The following BRCA1 variants were observed in gnomAD, a reference collection of about 807,000 sequenced individuals.
BRCA1 encodes BRCA1 DNA repair associated.
In BRCA1, 140 loss-of-function variants were observed where a neutral mutation model predicts 173.7. The observed-to-expected ratio is 0.81, with a 90% CI of 0.70 to 0.93. The LOEUF (loss-of-function observed/expected upper bound fraction) is 0.93. BRCA1 is among the 40% of genes least tolerant of loss of function. The pLI, the probability that BRCA1 is intolerant of heterozygous loss-of-function variation, is 0.00. For missense variants in BRCA1, 1,983 were observed against 2,172.5 expected (o/e 0.91, Z 1.73); for synonymous variants, 662 against 756.0 (o/e 0.88, Z 2.04).
intron 1 of BRCA1, among the ~76,000 whole-genome samples, chr17:43,145,584 C>G (rs1212952400): frequency 6.6e-6 from 1 of 152,174 alleles, no homozygotes; most frequent in African/African-American, 2.4e-5. Flanking sequence ...CCTCGGCCTC[C>G]CAAAGTGCTG....
chr17:43,118,305 G>A (rs937105830), intron 2 of BRCA1, among the ~76,000 whole-genome samples: 2 of 152,150 alleles, frequency 1.3e-5, no homozygotes, highest in Admixed American at 6.5e-5. Flanking sequence ...AAGACTATCA[G>A]AGAGGTAGCT....
chr17:43,142,887 G>T (rs2056084946), intron 1 of BRCA1, among the ~76,000 whole-genome samples: 1 of 151,252 alleles, frequency 6.6e-6, no homozygotes, highest in African/African-American at 2.4e-5. Context: ...GGGATTACAG[G>T]CATGTGCCAC....
upstream of BRCA1, chr17:43,125,488 A>G (rs2055841769): frequency 2.9e-6 from 1 of 342,614 alleles, no homozygotes; most frequent in East Asian, 7.8e-5. Context: ...AGGTACAATC[A>G]GAGGATGGGA....
Position 43,100,618 on chromosome 17 carries a change from A to ATAT in BRCA1, c.442-739_442-738insATA, listed in dbSNP as rs1491529521. ...TATTATATATATATAACATATATAT[A>ATAT]ACATATATATATGTTATATATATAT... On this transcript the variant is annotated intron_variant, in intron 6 of 22. Transcript: ENST00000357654. Among the ~76,000 whole-genome samples the ATAT allele has an allele frequency of 1.1e-4, 7 of 64,756 alleles. 1 individual carries two copies. Among genetic ancestry groups the ATAT allele is most frequent in the African/African-American group, 1.6e-4 (2 of 12,350 alleles). 42.5% of individuals were successfully genotyped at this position (64,756 alleles called of 152,430 possible).
At chr17:43,136,097 A>C (rs1044593651) in intron 1 of BRCA1, among the ~76,000 whole-genome samples, 5 of 152,238 alleles carry the variant, frequency 3.3e-5, no homozygotes, top group African/African-American at 1.2e-4. Flanking sequence ...GTTCAAAACC[A>C]GCCTGGGCAA....
intron 1 of BRCA1, chr17:43,145,100 A>G (rs772628636): frequency 1.4e-6 from 1 of 739,054 alleles, no homozygotes; most frequent in Non-Finnish European, 2.5e-6. Flanking sequence ...TTCAGACACA[A>G]AAGTGCAAAA....
At chr17:43,149,109 T>C (rs28595806) in intron 1 of BRCA1, among the ~76,000 whole-genome samples, 39 of 151,098 alleles carry the variant, frequency 2.6e-4, no homozygotes, top group African/African-American at 8.8e-4. Flanking sequence ...TTACTTTTTT[T>C]CCCCCCCGAG....
rs774646943 is a variant in BRCA1, at chr17:43,090,928, C to G, written c.4185+16G>C. 1 of 1,599,556 alleles carries G rather than the reference C, an allele frequency of 6.3e-7. No individual in the cohort carries two copies. The highest frequency in any genetic ancestry group is 1.7e-5 in the Admixed American group (1 of 58,724). On this transcript the variant is annotated intron_variant, in intron 11 of 22. Transcript: ENST00000357654. ...CACCACACACACGCATGTGCACACA[C>G]ACACACGCTTTTTACCTGAGTGGTT...
intron 19 of BRCA1, among the ~76,000 whole-genome samples, chr17:43,056,579 G>A (rs572017299): frequency 3.6e-4 from 55 of 152,224 alleles, no homozygotes; most frequent in Middle Eastern, 6.8e-3. Context: ...CACAAGGTCA[G>A]GGGTTCAAGA....
intron 3 of BRCA1, among the ~76,000 whole-genome samples, chr17:43,111,853 C>T (rs1166603114): frequency 1.3e-5 from 2 of 151,772 alleles, no homozygotes; most frequent in Non-Finnish European, 2.9e-5. Context: ...AACAAACAAA[C>T]AAACAAAAAT....
chr17:43,050,919 G>A (rs2051184028), intron 20 of BRCA1, 144 bp downstream of exon 20: 2 of 815,714 alleles, frequency 2.5e-6, no homozygotes, highest in African/African-American at 3.4e-5. Flanking sequence ...GTGCTGTTTT[G>A]TTTGGAGAGT....
chr17:43,049,174 G>A lies in BRCA1; in HGVS notation c.5353C>T (p.Gln1785Ter), dbSNP rs80356969. ...MPTDQLEWMV[Q>*]LCGASVVKEL... Reference sequence around the variant, plus strand: ...TTCACCACAGAAGCACCACACAGCTGTACCATCCATTCCAGTTGATCTAAA... The same window carrying A: ...TTCACCACAGAAGCACCACACAGCTATACCATCCATTCCAGTTGATCTAAA... Residue 1785 changes from glutamine to a stop codon, truncating the protein, a stop_gained, in exon 21 of 23, where the codon CAG (glutamine) becomes TAG (stop). Transcript: ENST00000357654. LOFTEE classifies it high-confidence loss of function. 1 of 1,614,106 alleles carries A rather than the reference G, an allele frequency of 6.2e-7. No individual in the cohort carries two copies.
chr17:43,133,822 A>T (rs574878838), intron 1 of BRCA1, among the ~76,000 whole-genome samples: 1 of 152,048 alleles, frequency 6.6e-6, no homozygotes, highest in African/African-American at 2.4e-5. Flanking sequence ...TTTAGTAGAG[A>T]TGGGGTTTCA....
At chr17:43,075,566 T>G (rs951455407) in intron 13 of BRCA1, among the ~76,000 whole-genome samples, 1 of 148,388 alleles carries the variant, frequency 6.7e-6, no homozygotes, top group Non-Finnish European at 1.5e-5. Context: ...CTCTCTCTCT[T>G]TTTTTTTTTG....
At chr17:43,099,348 G>A (rs749006461) in intron 7 of BRCA1, among the ~76,000 whole-genome samples, 7 of 150,116 alleles carry the variant, frequency 4.7e-5, no homozygotes, top group Admixed American at 1.3e-4. Flanking sequence ...TCGGTTCACC[G>A]CAACCTCCAC....
chr17:43,049,986 G>C, intron 20 of BRCA1: 1 of 398,328 alleles, frequency 2.5e-6, no homozygotes, highest in Non-Finnish European at 4.4e-6. Flanking sequence ...AAAACACTGA[G>C]AAATCCTTGA....
chr17:43,156,422 A>C (rs2056197658), intron 1 of BRCA1, among the ~76,000 whole-genome samples: 1 of 152,136 alleles, frequency 6.6e-6, no homozygotes. Flanking sequence ...AAGCAGAGCC[A>C]CCTTGGGCTA....
chr17:43,160,138 C>G (rs1168557812), intron 1 of BRCA1: 1 of 151,616 alleles, frequency 6.6e-6, no homozygotes, highest in Non-Finnish European at 1.5e-5. Context: ...GCCTCCCAGG[C>G]TCACACCATT....
chr17:43,055,165 GA>G (rs1241586521), intron 19 of BRCA1, among the ~76,000 whole-genome samples: 2 of 152,232 alleles, frequency 1.3e-5, no homozygotes, highest in Non-Finnish European at 2.9e-5. Flanking sequence ...AGGTAAGTGT[GA>G]AATCTTGCAG....
Sources: allele counts gnomAD v4.1 joint callset (sites outside exome capture counted in the v4.1 genomes callset), GRCh38; gene constraint gnomAD v4.1.1; transcripts MANE v1.5; gene names NCBI Gene and HGNC (gene_info 2026-07-23, HGNC 2026-07-21).